KDM5A: variants seen among roughly 807,000 people sequenced by gnomAD.
The protein encoded by KDM5A is lysine demethylase 5A, also known as lysine-specific demethylase 5A.
A neutral mutation model predicts 193.5 loss-of-function variants in KDM5A; 42 were observed. The ratio of observed to expected loss-of-function variants is 0.22; its 90% CI spans 0.17 to 0.28. KDM5A has a LOEUF of 0.28. KDM5A is among the 10% of genes least tolerant of loss of function. The pLI is 1.00. For synonymous variants in KDM5A, 796 were observed against 718.1 expected, an observed-to-expected ratio of 1.11 and a Z score of -1.73; for missense variants, 1,692 against 2,055.1, an observed-to-expected ratio of 0.82 and a Z score of 3.42.
chr12:330,036 A>G (rs1943842286), intron 13 of KDM5A, among the ~76,000 whole-genome samples: 1 of 151,000 alleles, frequency 6.6e-6, no homozygotes, highest in Non-Finnish European at 1.5e-5. Flanking sequence ...TTCAAAGAAA[A>G]AACTTTCCAA....
chr12:320,971 CA>C, intron 18 of KDM5A, 23 bp downstream of exon 18: 12 of 1,496,338 alleles, frequency 8.0e-6, no homozygotes, highest in Non-Finnish European at 1.0e-5. Context: ...GGACATTACC[CA>C]AAAAAAGGAT....
rs150171414 is a variant in KDM5A at position 361,053 on chromosome 12, C to T, written c.672+1910G>A. On this transcript the variant is annotated intron_variant, in intron 5 of 27. Transcript: ENST00000399788. ...TCTGAAATAGAAAACTAGGAATGAA[C>T]GACAGACATTCAACAGAATAATTAA... Among the ~76,000 whole-genome samples the T allele has an allele frequency of 1.6e-3, 247 of 152,104 alleles. 1 individual carries two copies. The highest frequency in any genetic ancestry group is 5.5e-3 in the African/African-American group (229 of 41,486).
intron 6 of KDM5A, among the ~76,000 whole-genome samples, chr12:355,776 C>T (rs1249162036): frequency 6.6e-6 from 1 of 152,192 alleles, no homozygotes; most frequent in African/African-American, 2.4e-5. Context: ...TGACTTTACA[C>T]ATCTAAGTAC....
At chr12:304,380 C>G (rs1404396128) in intron 24 of KDM5A, among the ~76,000 whole-genome samples, 2 of 150,836 alleles carry the variant, frequency 1.3e-5, no homozygotes, top group Non-Finnish European at 2.9e-5. Flanking sequence ...TGCAAATAAA[C>G]CGGCAAATAA....
intron 10 of KDM5A, among the ~76,000 whole-genome samples, chr12:339,178 CAAA>C (rs71687052): frequency 1.2e-4 from 13 of 107,256 alleles, no homozygotes; most frequent in East Asian, 3.0e-4. Context: ...AACCCCATCT[CAAA>C]AAAAAAAAAA....
intron 2 of KDM5A, among the ~76,000 whole-genome samples, chr12:384,371 G>C (rs1047572140): frequency 6.6e-6 from 1 of 152,134 alleles, no homozygotes; most frequent in African/African-American, 2.4e-5. Context: ...TTTAGGTTGT[G>C]AGCACCTTTT....
rs2229353 is a variant in KDM5A at position 307,816 on chromosome 12, G to C, written c.3568C>G (p.Pro1190Ala). 901 of 1,614,126 alleles carry C rather than the reference G, an allele frequency of 5.6e-4. 3 individuals carry two copies. The African/African-American group carries it at 0.011, about 19-fold the overall frequency. ...CKDWFHNSCV[P>A]LPKSSSQKKG... is the part of the protein sequence containing the mutation. ...TTTTGGGAACTTGATTTAGGAAGAGGAACACAGCTGTTATGGAACCAGTCT... is the reference window on the plus strand; with the variant it reads ...TTTTGGGAACTTGATTTAGGAAGAGCAACACAGCTGTTATGGAACCAGTCT... The change falls in exon 23 of 28, where the codon CCT becomes GCT. Residue 1190 changes from proline (P) to alanine (A), a missense_variant. Around this residue, in one of 11 missense-constraint regions of KDM5A, gnomAD observed 965 missense variants for 1,061.0 expected, o/e 0.91. Coordinates refer to ENST00000399788, the MANE Select transcript of KDM5A (RefSeq NM_001042603.3). The surrounding 1 kb of genome is among the most constrained non-coding windows in gnomAD (Gnocchi z 4.3).
At chr12:365,060 CT>C (rs200486486) in intron 4 of KDM5A, among the ~76,000 whole-genome samples, 9 of 149,800 alleles carry the variant, frequency 6.0e-5, no homozygotes, top group East Asian at 2.0e-4. Flanking sequence ...CATGGCTGAA[CT>C]TTTTTTTTTG....
intron 2 of KDM5A, among the ~76,000 whole-genome samples, chr12:384,396 T>C (rs1467920238): frequency 6.6e-6 from 1 of 152,152 alleles, no homozygotes; most frequent in African/African-American, 2.4e-5. Context: ...ATCTAAGTAA[T>C]GCTTGATGAT....
chr12:340,539 C>CA (rs1428860925), intron 10 of KDM5A, among the ~76,000 whole-genome samples: 2 of 151,552 alleles, frequency 1.3e-5, no homozygotes, highest in Admixed American at 6.6e-5. Flanking sequence ...ACTAAAAATA[C>CA]AAAAAATTAG....
chr12:380,640 T>C (rs1350102471), intron 3 of KDM5A, among the ~76,000 whole-genome samples: 1 of 151,842 alleles, frequency 6.6e-6, no homozygotes, highest in African/African-American at 2.4e-5. Flanking sequence ...TGAGAATCGG[T>C]TGAACCTGGG....
chr12:322,670 T>C, intron 16 of KDM5A, 103 bp from the exon 17 acceptor site: 1 of 921,042 alleles, frequency 1.1e-6, no homozygotes, highest in East Asian at 2.4e-5. Flanking sequence ...AACCTACTTG[T>C]AGAAATATAA....
intron 10 of KDM5A, among the ~76,000 whole-genome samples, chr12:338,357 C>G (rs745318461): frequency 6.6e-6 from 1 of 152,156 alleles, no homozygotes; most frequent in African/African-American, 2.4e-5. Flanking sequence ...TAACAGCCTT[C>G]GGCACTGAGT....
intron 3 of KDM5A, among the ~76,000 whole-genome samples, chr12:376,598 G>A (rs1178132863): frequency 1.3e-5 from 2 of 152,210 alleles, no homozygotes; most frequent in African/African-American, 4.8e-5. Flanking sequence ...TGCACCCACT[G>A]TCCAACAAGC....
intron 3 of KDM5A, among the ~76,000 whole-genome samples, chr12:377,577 A>C (rs775582646): frequency 3.3e-5 from 5 of 152,228 alleles, no homozygotes; most frequent in Non-Finnish European, 7.3e-5. Context: ...AAAATACTGA[A>C]GTAAAATGAT....
rs780117599 is a variant in KDM5A, at chr12:307,652, C to G, written c.3732G>C (p.Glu1244Asp). ...QKLPVRLPEG[E>D]ALQCLTERAM... Reference sequence around the variant, plus strand: ...CACGTTCTGTCAAACACTGCAGGGCCTCTCCTTCAGGCAACCGTACGGGCA... The same window carrying G: ...CACGTTCTGTCAAACACTGCAGGGCGTCTCCTTCAGGCAACCGTACGGGCA... The change falls in exon 23 of 28, where the codon GAG becomes GAC. Residue 1244 changes from glutamate to aspartate, a missense_variant. Coordinates refer to ENST00000399788, the MANE Select transcript of KDM5A (RefSeq NM_001042603.3). The surrounding 1 kb of genome is among the most constrained non-coding windows in gnomAD (Gnocchi z 4.3). 6.2e-7 allele frequency: 1 copy of G among 1,614,236 alleles called. No homozygotes were observed. Among genetic ancestry groups the G allele is most frequent in the Non-Finnish European group, 8.5e-7 (1 of 1,180,038 alleles).
At chr12:324,928 C>A (rs1943764061) in intron 14 of KDM5A, among the ~76,000 whole-genome samples, 1 of 151,914 alleles carries the variant, frequency 6.6e-6, no homozygotes, top group African/African-American at 2.4e-5. Context: ...TTACCAAACA[C>A]CTCCATTTAT....
intron 10 of KDM5A, among the ~76,000 whole-genome samples, chr12:342,548 C>T (rs1944019842): frequency 6.6e-6 from 1 of 152,024 alleles, no homozygotes; most frequent in South Asian, 2.1e-4. Context: ...CAACCTCCGC[C>T]TCCCACGTTC....
chr12:295,158 CT>C (rs35317843), intron 26 of KDM5A, among the ~76,000 whole-genome samples: 2,652 of 150,514 alleles, frequency 0.018, 106 homozygotes, highest in South Asian at 0.16. Flanking sequence ...CAGAAATGGC[CT>C]TTTTTTTTCA....
Sources: allele counts gnomAD v4.1 joint callset (sites outside exome capture counted in the v4.1 genomes callset), GRCh38; gene constraint gnomAD v4.1.1; regional missense constraint gnomAD v4.1.1; non-coding constraint Gnocchi (gnomAD v3.1); transcripts MANE v1.5; gene names NCBI Gene and HGNC (gene_info 2026-07-23, HGNC 2026-07-21).